Variants in ABCC4 observed in about 807,000 individuals in gnomAD.
ABCC4 encodes the protein ATP binding cassette subfamily C member 4 (PEL blood group).
Under a neutral mutation model 168.5 loss-of-function variants are expected in ABCC4, and 102 were observed. The ratio of observed to expected loss-of-function variants is 0.61; its 90% CI spans 0.52 to 0.71. ABCC4 has a LOEUF of 0.71. Among genes scored for constraint, ABCC4 ranks in the 30% least tolerant of loss-of-function variants. The pLI is 0.00. For missense variants in ABCC4, 1,402 were observed against 1,605.8 expected, an observed-to-expected ratio of 0.87 and a Z score of 2.17; for synonymous variants, 617 against 590.7, an observed-to-expected ratio of 1.04 and a Z score of -0.65.
chr13:95,092,531 A>G (rs2051010270), intron 20 of ABCC4, among the ~76,000 whole-genome samples: 1 of 152,212 alleles, frequency 6.6e-6, no homozygotes, highest in South Asian at 2.1e-4. Flanking sequence ...AAACTGAATG[A>G]CAATAATGAC....
intron 19 of ABCC4, among the ~76,000 whole-genome samples, chr13:95,133,108 CTTTTTTTTTTT>C (rs761691210): frequency 6.3e-5 from 7 of 110,668 alleles, no homozygotes; most frequent in Non-Finnish European, 1.2e-4. Flanking sequence ...GATTTTAAAA[CTTTTTTTTTTT>C]TTTTTTTTTT....
intron 13 of ABCC4, among the ~76,000 whole-genome samples, chr13:95,174,794 T>C (rs977542494): frequency 6.6e-6 from 1 of 152,132 alleles, no homozygotes; most frequent in Non-Finnish European, 1.5e-5. Context: ...GGAAAATTCA[T>C]CAAGGCACAA....
chr13:95,083,123 C>T lies in ABCC4; in HGVS notation c.2686+17G>A, dbSNP rs2034150612. 3 of 1,612,276 alleles carry T rather than the reference C, an allele frequency of 1.9e-6. No individual in the cohort carries two copies. Among genetic ancestry groups the T allele is most frequent in the African/African-American group, 2.7e-5 (2 of 74,760 alleles). ...ACTAGCTAGCATGTCTATACCAACC[C>T]GAGTTTCCATACTCACTTGTAGATT... is the stretch of plus-strand genomic sequence containing the variant. On this transcript the variant is annotated intron_variant, in intron 21 of 30. Coordinates refer to ENST00000645237, the MANE Select transcript of ABCC4 (RefSeq NM_005845.5).
intron 16 of ABCC4, among the ~76,000 whole-genome samples, 194 bp downstream of exon 16, chr13:95,164,184 T>C (rs1405949756): frequency 1.3e-5 from 2 of 152,030 alleles, no homozygotes; most frequent in Non-Finnish European, 1.5e-5. Context: ...CATTTTAAAA[T>C]CATTGAAAGA....
chr13:95,075,902 T>C (rs1241193569), intron 21 of ABCC4, among the ~76,000 whole-genome samples: 3 of 152,238 alleles, frequency 2.0e-5, no homozygotes, highest in Admixed American at 2.0e-4. Flanking sequence ...ATTTTTCTGA[T>C]TTTTGAGCCA....
intron 11 of ABCC4, 24 bp downstream of exon 11, chr13:95,186,677 T>G: frequency 6.2e-7 from 1 of 1,603,152 alleles, no homozygotes; most frequent in Non-Finnish European, 8.5e-7. Flanking sequence ...TTCGAGTACA[T>G]GAAATCCAAA....
chr13:95,120,567 CAAAAAAAAAA>C (rs35906536), intron 19 of ABCC4, among the ~76,000 whole-genome samples: 3 of 90,824 alleles, frequency 3.3e-5, no homozygotes, highest in South Asian at 8.0e-4. Flanking sequence ...GAGACTCCGT[CAAAAAAAAAA>C]AAAAAAAAAA....
chr13:95,154,039 C>T (rs922562138), intron 19 of ABCC4, among the ~76,000 whole-genome samples: 4 of 151,956 alleles, frequency 2.6e-5, no homozygotes, highest in Admixed American at 2.6e-4. Context: ...AATTACCACA[C>T]CTACTTCAAA....
At chr13:95,071,632 T>A (rs543715995) in intron 25 of ABCC4, 30 bp downstream of exon 25, 1 of 1,395,960 alleles carries the variant, frequency 7.2e-7, no homozygotes, top group Non-Finnish European at 9.4e-7. Context: ...TCTTCTGAAA[T>A]TGAGAAGAGG....
At chr13:95,156,556 C>A (rs558701469) in intron 19 of ABCC4, among the ~76,000 whole-genome samples, 43 of 152,274 alleles carry the variant, frequency 2.8e-4, no homozygotes, top group African/African-American at 9.6e-4. Context: ...AGAACGGAAA[C>A]AGGGCTAAGA....
At chr13:95,185,553 C>A (rs2038030941) in intron 11 of ABCC4, among the ~76,000 whole-genome samples, 1 of 152,200 alleles carries the variant, frequency 6.6e-6, no homozygotes, top group African/African-American at 2.4e-5. Context: ...TGGCTGGAAG[C>A]CTTCTGCATC....
chr13:95,164,252 T>C, intron 16 of ABCC4, 126 bp downstream of exon 16: 1 of 1,222,954 alleles, frequency 8.2e-7, no homozygotes, highest in South Asian at 1.5e-5. Flanking sequence ...CAGCCCTCAC[T>C]TTGTTCCCCA....
intron 29 of ABCC4, among the ~76,000 whole-genome samples, chr13:95,036,043 C>T (rs1334313770): frequency 6.6e-6 from 1 of 152,182 alleles, no homozygotes; most frequent in Non-Finnish European, 1.5e-5. Context: ...GAATCTGTCA[C>T]ATCCACATAA....
intron 25 of ABCC4, among the ~76,000 whole-genome samples, chr13:95,068,931 C>T (rs1189640018): frequency 1.3e-5 from 2 of 152,268 alleles, no homozygotes; most frequent in African/African-American, 2.4e-5. Flanking sequence ...ACCTTGCTTT[C>T]AGCAAGAGCT....
chr13:95,204,070 G>T (rs2038711998), intron 8 of ABCC4, among the ~76,000 whole-genome samples: 1 of 152,142 alleles, frequency 6.6e-6, no homozygotes, highest in Admixed American at 6.5e-5. Flanking sequence ...CTGAGACCTG[G>T]CCGGAGGGCT....
intron 1 of ABCC4, among the ~76,000 whole-genome samples, chr13:95,295,401 CG>C (rs2041503602): frequency 6.6e-6 from 1 of 151,790 alleles, no homozygotes; most frequent in Non-Finnish European, 1.5e-5. Flanking sequence ...GGCTCGCCCC[CG>C]TAATCCCAGC....
intron 4 of ABCC4, among the ~76,000 whole-genome samples, chr13:95,227,626 G>A (rs558740780): frequency 1.8e-4 from 27 of 152,298 alleles, no homozygotes; most frequent in Admixed American, 1.5e-3. Flanking sequence ...AAAGGAAACC[G>A]ATCTACAGAC....
chr13:95,085,280 A>G (rs1345650920), intron 20 of ABCC4, among the ~76,000 whole-genome samples: 2 of 3,284 alleles, frequency 6.1e-4, no homozygotes, highest in Non-Finnish European at 0.014. Flanking sequence ...CTCTACTGAG[A>G]AAAAAAAAAA....
chr13:95,167,224 G>T (rs181990529), intron 14 of ABCC4, among the ~76,000 whole-genome samples: 263 of 142,542 alleles, frequency 1.8e-3, no homozygotes, highest in African/African-American at 6.9e-3. Context: ...ATAAATAATT[G>T]CCCCAAAGAC....
Sources: allele counts gnomAD v4.1 joint callset (sites outside exome capture counted in the v4.1 genomes callset), GRCh38; gene constraint gnomAD v4.1.1; transcripts MANE v1.5; gene names NCBI Gene and HGNC (gene_info 2026-07-23, HGNC 2026-07-21).